The following SHANK2 variants were observed in gnomAD, a reference collection of about 807,000 sequenced individuals.
SHANK2 encodes SH3 and multiple ankyrin repeat domains 2.
In SHANK2, 43 loss-of-function variants were observed where a neutral mutation model predicts 133.7. The ratio of observed to expected loss-of-function variants is 0.32; its 90% CI spans 0.25 to 0.41. The LOEUF is 0.41. SHANK2 is among the 10% of genes least tolerant of loss of function. The pLI is 1.00. For synonymous variants in SHANK2, 1,017 were observed against 952.8 expected (o/e 1.07, Z -1.24); for missense variants, 1,994 against 2,235.8 (o/e 0.89, Z 2.18).
intron 2 of SHANK2, among the ~76,000 whole-genome samples, chr11:71,166,473 C>CTTTTTTTTTTTTTTTTTTTTTTTTTT (rs1322143159): frequency 7.6e-6 from 1 of 131,382 alleles, no homozygotes. Context: ...ATCCACACGT[C>CTTTTTTTTTTTTTTTTTTTTTTTTTT]TTTTTTTTCT....
intron 8 of SHANK2, among the ~76,000 whole-genome samples, chr11:71,091,100 A>G (rs1555093908): frequency 6.6e-6 from 1 of 152,250 alleles, no homozygotes; most frequent in East Asian, 1.9e-4. Flanking sequence ...TCACAGGGGA[A>G]AATTATTTTC....
chr11:70,658,025 C>G (rs1454092117), intron 17 of SHANK2, among the ~76,000 whole-genome samples: 3 of 152,168 alleles, frequency 2.0e-5, no homozygotes, highest in Non-Finnish European at 4.4e-5. Flanking sequence ...ATCCAGGAAA[C>G]AGTCCAATGA....
chr11:70,759,852 A>G lies in SHANK2; in HGVS notation c.1777+38591T>C, dbSNP rs150765544. ...AGACCCCATGCCAGCAGCCATAACT[A>G]TAACTGTGATTGGATAAGAGGCTGA... On this transcript the variant is annotated intron_variant, in intron 14 of 25. Coordinates refer to ENST00000601538, the MANE Select transcript of SHANK2 (RefSeq NM_012309.5). Among the ~76,000 whole-genome samples the G allele has an allele frequency of 5.2e-3, 797 of 152,328 alleles. 9 individuals carry two copies. The highest frequency in any genetic ancestry group is 0.017 in the Middle Eastern group (5 of 294).
chr11:70,622,794 G>A (rs1449852474), intron 17 of SHANK2, among the ~76,000 whole-genome samples: 3 of 152,148 alleles, frequency 2.0e-5, no homozygotes, highest in African/African-American at 7.2e-5. Context: ...TCCAGTCTCC[G>A]AACGGAAGTC....
chr11:70,638,729 G>A (rs570771479), intron 17 of SHANK2, among the ~76,000 whole-genome samples: 3 of 152,098 alleles, frequency 2.0e-5, no homozygotes, highest in South Asian at 2.1e-4. Context: ...GAGTCCAGCC[G>A]GGCACGGTGG....
At chr11:71,181,948 T>C (rs912418006) in intron 2 of SHANK2, among the ~76,000 whole-genome samples, 4 of 151,878 alleles carry the variant, frequency 2.6e-5, no homozygotes, top group African/African-American at 9.7e-5. Context: ...GCATCATGGG[T>C]GTGACCAACC....
intron 10 of SHANK2, among the ~76,000 whole-genome samples, chr11:70,949,157 T>C (rs543999163): frequency 6.6e-6 from 1 of 152,250 alleles, no homozygotes; most frequent in East Asian, 1.9e-4. Context: ...GAAATAAAAA[T>C]AATGATTTGC....
intron 2 of SHANK2, among the ~76,000 whole-genome samples, chr11:71,167,194 A>G (rs1555111061): frequency 6.6e-6 from 1 of 152,148 alleles, no homozygotes; most frequent in African/African-American, 2.4e-5. Flanking sequence ...ACCTCTTTCT[A>G]CACAGACACG....
At chr11:71,146,563 G>A (rs1436212598) in intron 3 of SHANK2, among the ~76,000 whole-genome samples, 1 of 152,210 alleles carries the variant, frequency 6.6e-6, no homozygotes, top group African/African-American at 2.4e-5. Flanking sequence ...TGAGGGCTCT[G>A]GGCGGCACAG....
chr11:71,067,309 G>GT (rs1951077667), intron 9 of SHANK2, among the ~76,000 whole-genome samples: 1 of 152,192 alleles, frequency 6.6e-6, no homozygotes, highest in African/African-American at 2.4e-5. Context: ...CAGGCAGACT[G>GT]TTTTTTATTA....
intron 17 of SHANK2, among the ~76,000 whole-genome samples, chr11:70,522,898 C>A (rs1350835790): frequency 6.6e-6 from 1 of 152,256 alleles, no homozygotes; most frequent in African/African-American, 2.4e-5. Context: ...CTCTTAGCGG[C>A]CACAGTTGCC....
chr11:70,945,396 G>A (rs77666025), intron 10 of SHANK2, among the ~76,000 whole-genome samples: 1,678 of 152,240 alleles, frequency 0.011, 24 homozygotes, highest in African/African-American at 0.038. Context: ...CAGCCTGGTC[G>A]TGGTTCCTCC....
At chr11:70,518,904 G>A (rs903697999) in intron 17 of SHANK2, among the ~76,000 whole-genome samples, 1 of 152,134 alleles carries the variant, frequency 6.6e-6, no homozygotes, top group Non-Finnish European at 1.5e-5. Flanking sequence ...TTACTAGTTG[G>A]AATAATTTTT....
At chr11:70,793,803 A>C (rs1419072813) in intron 14 of SHANK2, among the ~76,000 whole-genome samples, 1 of 152,210 alleles carries the variant, frequency 6.6e-6, no homozygotes, top group Non-Finnish European at 1.5e-5. Context: ...GTTATCATAC[A>C]ACCCAGCAGT....
At chr11:70,746,198 G>A (rs551231098) in intron 14 of SHANK2, among the ~76,000 whole-genome samples, 1 of 152,350 alleles carries the variant, frequency 6.6e-6, no homozygotes, top group African/African-American at 2.4e-5. Flanking sequence ...CCCAGGGCTG[G>A]GTAGCGTGCC....
chr11:70,736,178 C>A (rs1397293383), intron 14 of SHANK2, among the ~76,000 whole-genome samples: 1 of 152,038 alleles, frequency 6.6e-6, no homozygotes, highest in African/African-American at 2.4e-5. Context: ...CACCTGTGTT[C>A]ACATTCAGGC....
Position 70,470,695 on chromosome 11 carries a change from G to A in SHANK2, c.*2174C>T, listed in dbSNP as rs1322136320. On this transcript the variant is annotated 3_prime_UTR_variant, in exon 26 of 26. Transcript: ENST00000601538. ...AGTAATGCTCATTCATCTCATGATG[G>A]AAAAACTGAAAGCACACGGAAGTAA... 3 of 152,348 alleles carry A rather than the reference G, an allele frequency of 2.0e-5. No individual in the cohort carries two copies. The highest frequency in any genetic ancestry group is 2.9e-5 in the Non-Finnish European group (2 of 68,044). The allele number at this position is 152,348 out of a possible 1,614,324, so 9.4% of individuals were successfully genotyped here. A position where few individuals can be genotyped will look rare whatever the true frequency, so the allele number is the denominator to read the frequency against.
intron 15 of SHANK2, 76 bp from the exon 16 acceptor site, chr11:70,661,754 A>T: frequency 6.2e-7 from 1 of 1,614,006 alleles, no homozygotes; most frequent in Non-Finnish European, 8.5e-7. Context: ...TCCGCCGGGG[A>T]CGTTCATCAT....
intron 8 of SHANK2, among the ~76,000 whole-genome samples, chr11:71,081,890 G>A (rs1485272596): frequency 6.6e-6 from 1 of 152,202 alleles, no homozygotes; most frequent in Non-Finnish European, 1.5e-5. Flanking sequence ...GTGACACGGG[G>A]AAGGGCTCCC....
Sources: allele counts gnomAD v4.1 joint callset (sites outside exome capture counted in the v4.1 genomes callset), GRCh38; gene constraint gnomAD v4.1.1; transcripts MANE v1.5; gene names NCBI Gene and HGNC (gene_info 2026-07-23, HGNC 2026-07-21).